DNAH3: variants seen among roughly 807,000 people sequenced by gnomAD.
DNAH3 encodes the protein axonemal beta dynein heavy chain 3.
Under a neutral mutation model 432.5 loss-of-function variants are expected in DNAH3, and 332 were observed. The observed-to-expected ratio is 0.77, with a 90% CI of 0.70 to 0.84. The LOEUF is 0.84. Among genes scored for constraint, DNAH3 ranks in the 40% least tolerant of loss-of-function variants. The pLI is 0.00. For missense variants in DNAH3, 4,861 were observed against 5,114.0 expected (o/e 0.95, Z 1.51); for synonymous variants, 1,956 against 1,900.2 (o/e 1.03, Z -0.76).
intron 56 of DNAH3, among the ~76,000 whole-genome samples, chr16:20,951,401 C>A (rs1282700945): frequency 6.6e-6 from 1 of 151,688 alleles, no homozygotes; most frequent in Non-Finnish European, 1.5e-5. Context: ...TGCTGCCCTT[C>A]TACTTATAAA....
chr16:20,964,496 T>A, exon 53 of DNAH3: 1 of 1,614,188 alleles, frequency 6.2e-7, no homozygotes, highest in Non-Finnish European at 8.5e-7. Context: ...TCTTCTCCAA[T>A]GTTTTCAATC....
At chr16:21,136,674 CAAG>C (rs1004097108) in intron 5 of DNAH3, 161 bp from the exon 7 acceptor site, 13 of 673,476 alleles carry the variant, frequency 1.9e-5, no homozygotes, top group African/African-American at 7.2e-5. Context: ...ACACTCATGG[CAAG>C]AAGATCACTG....
intron 40 of DNAH3, 35 bp downstream of exon 40, chr16:21,021,936 C>A (rs771858886): frequency 6.2e-7 from 1 of 1,610,850 alleles, no homozygotes. Context: ...TAGACCCACC[C>A]CCCATGTGGC....
chr16:21,151,529 C>T (rs907693860), intron 1 of DNAH3, among the ~76,000 whole-genome samples: 1 of 152,038 alleles, frequency 6.6e-6, no homozygotes, highest in East Asian at 1.9e-4. Flanking sequence ...ATCTCCTGAC[C>T]TCGTGATCCG....
At chr16:20,991,012 C>T (rs2086529439) in intron 44 of DNAH3, among the ~76,000 whole-genome samples, 1 of 152,062 alleles carries the variant, frequency 6.6e-6, no homozygotes, top group Non-Finnish European at 1.5e-5. Flanking sequence ...CAGAGCGAGA[C>T]TCTGTCTCAA....
At chr16:21,092,925 G>A (rs149261921) in intron 18 of DNAH3, among the ~76,000 whole-genome samples, 106 of 152,190 alleles carry the variant, frequency 7.0e-4, no homozygotes, top group African/African-American at 2.4e-3. Flanking sequence ...AAAACAATGA[G>A]TGGCTGGGTA....
intron 54 of DNAH3, among the ~76,000 whole-genome samples, chr16:20,956,074 C>T (rs1274366267): frequency 6.6e-6 from 1 of 151,816 alleles, no homozygotes; most frequent in African/African-American, 2.4e-5. Flanking sequence ...ACTACAGGTG[C>T]CCGCCACTAT....
intron 1 of DNAH3, among the ~76,000 whole-genome samples, chr16:21,147,456 T>C (rs989960693): frequency 2.0e-5 from 3 of 152,112 alleles, no homozygotes; most frequent in Non-Finnish European, 4.4e-5. Context: ...CCTCAGGTGA[T>C]CCACCTGCTT....
intron 17 of DNAH3, 68 bp from the exon 18 acceptor site, chr16:21,097,567 C>A (rs1393122464): frequency 6.9e-6 from 11 of 1,586,970 alleles, no homozygotes; most frequent in South Asian, 1.1e-5. Context: ...GACACCAGGG[C>A]AAATTCCTCA....
intron 21 of DNAH3, among the ~76,000 whole-genome samples, chr16:21,071,112 G>A (rs530102842): frequency 4.6e-5 from 7 of 151,486 alleles, no homozygotes; most frequent in Admixed American, 1.3e-4. Context: ...GCAGAATCTC[G>A]GCTCACTGCA....
chr16:20,947,997 A>C (rs1334430560), intron 57 of DNAH3, among the ~76,000 whole-genome samples: 1 of 152,078 alleles, frequency 6.6e-6, no homozygotes, highest in Admixed American at 6.6e-5. Flanking sequence ...GCTGGTCTCA[A>C]ACTCCTGAGC....
chr16:21,033,748 C>T (rs1295853027), intron 36 of DNAH3, among the ~76,000 whole-genome samples: 2 of 152,142 alleles, frequency 1.3e-5, no homozygotes, highest in African/African-American at 4.8e-5. Context: ...GAGACAATTC[C>T]TCCAGGCCTT....
At chr16:21,053,964 G>A (rs1003416051) in intron 28 of DNAH3, among the ~76,000 whole-genome samples, 2 of 151,992 alleles carry the variant, frequency 1.3e-5, no homozygotes. Context: ...AGACATAGGC[G>A]ATTCTGTTGC....
At chr16:21,098,438 C>CAAAAAAAAAAAAAAAA (rs57032212) in intron 17 of DNAH3, among the ~76,000 whole-genome samples, 178 bp downstream of exon 17, 13 of 62,818 alleles carry the variant, frequency 2.1e-4, no homozygotes, top group Non-Finnish European at 2.5e-4. Context: ...GACCTTGTCT[C>CAAAAAAAAAAAAAAAA]AAAAAAAAAA....
exon 51 of DNAH3, chr16:20,975,380 T>C (rs751303889): frequency 3.1e-6 from 5 of 1,614,112 alleles, no homozygotes; most frequent in Middle Eastern, 3.3e-4. Context: ...TGAGTTGAGG[T>C]TGAAGAGCTG....
chr16:20,952,316 G>A (rs2084352164), intron 56 of DNAH3, 117 bp downstream of exon 56: 7 of 674,538 alleles, frequency 1.0e-5, no homozygotes, highest in East Asian at 8.2e-5. Context: ...GTAAGAGCTC[G>A]ATGTTTATGG....
chr16:21,051,345 C>A (rs2089948246), intron 29 of DNAH3, among the ~76,000 whole-genome samples: 1 of 152,154 alleles, frequency 6.6e-6, no homozygotes, highest in South Asian at 2.1e-4. Flanking sequence ...TCTTGTCTAT[C>A]TTATGGCCAT....
exon 43 of DNAH3, chr16:21,000,515 A>T: frequency 1.9e-6 from 3 of 1,599,198 alleles, no homozygotes; most frequent in Non-Finnish European, 2.6e-6. Context: ...ATGAGTTCTG[A>T]GACCTGTACC....
intron 52 of DNAH3, among the ~76,000 whole-genome samples, chr16:20,968,432 C>G (rs1030660510): frequency 6.6e-6 from 1 of 152,094 alleles, no homozygotes; most frequent in African/African-American, 2.4e-5. Flanking sequence ...GTTCCCAGGA[C>G]TGGAAGACTC....
Sources: allele counts gnomAD v4.1 joint callset (sites outside exome capture counted in the v4.1 genomes callset), GRCh38; gene constraint gnomAD v4.1.1; transcripts MANE v1.5; gene names NCBI Gene and HGNC (gene_info 2026-07-23, HGNC 2026-07-21).